SLC22A3: variants seen among roughly 807,000 people sequenced by gnomAD.
SLC22A3 encodes EMT organic cation transporter 3.
In SLC22A3, 51 loss-of-function variants were observed where a neutral mutation model predicts 59.1. That is an observed-to-expected ratio of 0.86 (90% CI 0.69 to 1.09). The LOEUF (loss-of-function observed/expected upper bound fraction) is 1.09. SLC22A3 is among the 50% of genes least tolerant of loss of function. The pLI is 0.00. For missense variants in SLC22A3, 711 were observed against 726.3 expected (o/e 0.98, Z 0.24); for synonymous variants, 325 against 292.0 (o/e 1.11, Z -1.15).
At chr6:160,353,677 T>G (rs1295811939) in intron 1 of SLC22A3, among the ~76,000 whole-genome samples, 1 of 152,206 alleles carries the variant, frequency 6.6e-6, no homozygotes, top group African/African-American at 2.4e-5. Context: ...GGAGCAGTGG[T>G]TGGTGTGCAT....
intron 1 of SLC22A3, 60 bp from the exon 2 acceptor site, chr6:160,397,919 A>G: frequency 4.1e-6 from 5 of 1,223,154 alleles, no homozygotes; most frequent in Non-Finnish European, 6.1e-6. Flanking sequence ...ACAAAAGATA[A>G]GGTGTTTTGA....
intron 7 of SLC22A3, among the ~76,000 whole-genome samples, chr6:160,439,237 T>C (rs571530384): frequency 1.4e-3 from 220 of 152,272 alleles, no homozygotes; most frequent in Non-Finnish European, 2.9e-3. Flanking sequence ...ATCGCAAACA[T>C]TGGAGACGTT....
At chr6:160,428,236 T>C (rs1161950655) in intron 5 of SLC22A3, among the ~76,000 whole-genome samples, 1 of 152,196 alleles carries the variant, frequency 6.6e-6, no homozygotes, top group Non-Finnish European at 1.5e-5. Flanking sequence ...TGGGACTGCA[T>C]AGATAGAGGC....
intron 1 of SLC22A3, among the ~76,000 whole-genome samples, chr6:160,386,729 T>C (rs1786033004): frequency 6.6e-6 from 1 of 152,064 alleles, no homozygotes; most frequent in Admixed American, 6.5e-5. Flanking sequence ...GCACCTGCTC[T>C]CCAAGAAGGG....
chr6:160,376,995 C>T (rs1177362858), intron 1 of SLC22A3, among the ~76,000 whole-genome samples: 1 of 152,130 alleles, frequency 6.6e-6, no homozygotes, highest in Non-Finnish European at 1.5e-5. Context: ...GTGGGATAGG[C>T]CTGTTCTCTC....
Position 160,447,819 on chromosome 6 carries a change from G to A in SLC22A3, c.1610+1G>A. 2 of 1,611,886 alleles carry A rather than the reference G, an allele frequency of 1.2e-6. No homozygotes were observed. The highest frequency in any genetic ancestry group is 1.7e-6 in the Non-Finnish European group (2 of 1,178,052). On this transcript the variant is annotated splice_donor_variant, in intron 10 of 10. Coordinates refer to ENST00000275300, the MANE Select transcript of SLC22A3 (RefSeq NM_021977.4). LOFTEE classifies it high-confidence loss of function. Reference sequence around the variant, plus strand: ...TGGATGATGTAGAAAAACTTGGCAGGTACTGTACAAAATTCAATGCACCCT... The same window carrying A: ...TGGATGATGTAGAAAAACTTGGCAGATACTGTACAAAATTCAATGCACCCT...
intron 9 of SLC22A3, 150 bp from the exon 10 acceptor site, chr6:160,447,569 A>G: frequency 5.6e-6 from 4 of 718,170 alleles, no homozygotes; most frequent in Non-Finnish European, 1.0e-5. Context: ...GTGGTAAGGG[A>G]GAGCTGGGGC....
chr6:160,348,871 G>T, intron 1 of SLC22A3, 23 bp downstream of exon 1: 1 of 1,557,224 alleles, frequency 6.4e-7, no homozygotes, highest in Non-Finnish European at 8.6e-7. Context: ...CGGCCCTTTG[G>T]AAGCCGGCGG....
intron 9 of SLC22A3, among the ~76,000 whole-genome samples, chr6:160,446,610 A>C (rs1040515077): frequency 1.3e-5 from 2 of 152,116 alleles, no homozygotes; most frequent in Admixed American, 1.3e-4. Flanking sequence ...GTCACCTCCC[A>C]CCAGGTCCCT....
chr6:160,431,062 G>C (rs1329614077), intron 5 of SLC22A3, among the ~76,000 whole-genome samples: 2 of 152,194 alleles, frequency 1.3e-5, no homozygotes, highest in Admixed American at 1.3e-4. Context: ...TGTGCACTTA[G>C]AATTGCTGAA....
At position 160,348,684 on chromosome 6, in the gene SLC22A3, C is replaced by T. The variant is rs1784556292; in HGVS notation, c.265C>T (p.Arg89Cys). The change falls in exon 1 of 11, where the codon CGC (arginine) becomes TGC (cysteine). Residue 89 changes from arginine (R) to cysteine (C), a missense_variant. Arg to Cys is a radical substitution (Grantham distance 180). Coordinates refer to ENST00000275300, the MANE Select transcript of SLC22A3 (RefSeq NM_021977.4). ...RGPEPPERRGRCQRYLLEAAN... is the reference protein window; with the variant it reads ...RGPEPPERRGCCQRYLLEAAN... The stretch of plus-strand genomic sequence containing the variant: ...CCCAGAGCCCCCCGAGCGCCGCGGC[C>T]GCTGCCAGCGCTACCTCCTGGAGGC... 8 of 1,507,654 alleles carry T rather than the reference C, an allele frequency of 5.3e-6. No individual in the cohort carries two copies. Among genetic ancestry groups the T allele is most frequent in the Non-Finnish European group, 6.2e-6 (7 of 1,136,298 alleles). 93.4% of individuals were successfully genotyped at this position (1,507,654 alleles called of 1,614,324 possible).
In SLC22A3 at chr6:160,356,590, C is replaced by G. The variant is rs2661835; in HGVS notation, c.429+7742C>G. Among the ~76,000 whole-genome samples the G allele has an allele frequency of 3.0e-3, 453 of 152,296 alleles. 17 individuals are homozygous for G. The East Asian group carries it at 0.073, about 25-fold the overall frequency. On this transcript the variant is annotated intron_variant, in intron 1 of 10. Transcript: ENST00000275300. ...ACTGAAGGGCCTGGGCTGAGCAGCT[C>G]CCAGGGTGCAGCGCTGTCCCCTTCA...
chr6:160,434,842 G>A (rs1419305235), intron 5 of SLC22A3, among the ~76,000 whole-genome samples: 3 of 152,132 alleles, frequency 2.0e-5, no homozygotes, highest in Non-Finnish European at 4.4e-5. Flanking sequence ...AATGAAACAA[G>A]GCCCCAAAAA....
At chr6:160,363,035 T>C (rs1046375453) in intron 1 of SLC22A3, among the ~76,000 whole-genome samples, 2 of 152,152 alleles carry the variant, frequency 1.3e-5, no homozygotes, top group African/African-American at 4.8e-5. Context: ...TGGGCTGGGC[T>C]CCCGGGGACT....
At chr6:160,433,194 G>C (rs1788216456) in intron 5 of SLC22A3, among the ~76,000 whole-genome samples, 1 of 152,106 alleles carries the variant, frequency 6.6e-6, no homozygotes, top group Admixed American at 6.5e-5. Flanking sequence ...CCAACCTCTA[G>C]GTTAATACAT....
chr6:160,359,022 C>A (rs1054207822), intron 1 of SLC22A3, among the ~76,000 whole-genome samples: 21 of 152,204 alleles, frequency 1.4e-4, no homozygotes, highest in Non-Finnish European at 2.2e-4. Flanking sequence ...AACAAAAGTG[C>A]CCCAAAGGTG....
At chr6:160,368,485 G>A (rs182315583) in intron 1 of SLC22A3, among the ~76,000 whole-genome samples, 24 of 152,094 alleles carry the variant, frequency 1.6e-4, no homozygotes, top group African/African-American at 4.6e-4. Context: ...ACCTGTCCAC[G>A]CTTAAACCTG....
chr6:160,450,795 G>C (rs1162237852), intron 10 of SLC22A3, among the ~76,000 whole-genome samples: 1 of 126,506 alleles, frequency 7.9e-6, no homozygotes, highest in African/African-American at 3.1e-5. Context: ...CTCCATTCAG[G>C]GTCCTTGACT....
chr6:160,437,095 T>C lies in SLC22A3; in HGVS notation c.1172T>C (p.Leu391Pro). The change falls in exon 7 of 11, where the codon CTG (leucine) becomes CCG (proline). Residue 391 changes from leucine (L) to proline (P), a missense_variant. Coordinates refer to ENST00000275300, the MANE Select transcript of SLC22A3 (RefSeq NM_021977.4). Reference sequence around the variant, plus strand: ...TTTTTCATCTCGGGCGTGGTGGAACTGCCAGGAGCTCTCTTGATCTTACTA... The same window carrying C: ...TTTTTCATCTCGGGCGTGGTGGAACCGCCAGGAGCTCTCTTGATCTTACTA... ...IDFFISGVVE[L>P]PGALLILLTI... is the part of the protein sequence containing the mutation. The C allele has an allele frequency of 1.2e-6, 2 of 1,614,194 alleles. No individual in the cohort carries two copies. Among genetic ancestry groups the C allele is most frequent in the Non-Finnish European group, 1.7e-6 (2 of 1,180,008 alleles).
Sources: gnomAD v4.1 joint callset for allele counts (sites outside exome capture counted in the v4.1 genomes callset) on GRCh38, gnomAD v4.1.1 for gene constraint, MANE v1.5 for transcripts, NCBI Gene and HGNC (gene_info 2026-07-23, HGNC 2026-07-21) for gene names.